Variants in TSPAN32 observed in about 807,000 individuals in gnomAD.
TSPAN32 encodes the protein tetraspanin 32.
A neutral mutation model predicts 42.7 loss-of-function variants in TSPAN32; 47 were observed. That is an observed-to-expected ratio of 1.10 (90% CI 0.87 to 1.40). The LOEUF (loss-of-function observed/expected upper bound fraction) is 1.40. Among genes scored for constraint, TSPAN32 ranks in the 40% most tolerant of loss-of-function variants. The pLI is 0.00. For synonymous variants in TSPAN32, 175 were observed against 175.9 expected (o/e 0.99, Z 0.04); for missense variants, 469 against 424.1 (o/e 1.11, Z -0.93).
At position 2,317,761 on chromosome 11, in the gene TSPAN32, T is replaced by G. The variant is rs1056928952; in HGVS notation, c.902-102T>G. ...TGCAAGACACTGGTGGCCCACGGCCTGGAGGGCTCCACCCAGACACAAGCT... is the reference window on the plus strand; with the variant it reads ...TGCAAGACACTGGTGGCCCACGGCCGGGAGGGCTCCACCCAGACACAAGCT... On this transcript the variant is annotated intron_variant, in intron 9 of 9. Transcript: ENST00000182290. The surrounding 1 kb of genome is among the most constrained non-coding windows in gnomAD (Gnocchi z 6.2). 1 of 1,544,446 alleles carries G rather than the reference T, an allele frequency of 6.5e-7. No homozygotes were observed. Among genetic ancestry groups the G allele is most frequent in the African/African-American group, 1.4e-5 (1 of 72,770 alleles).
In TSPAN32 at chr11:2,302,198, A is replaced by C; in HGVS notation, c.49A>C (p.Thr17Pro). Residue 17 changes from threonine to proline, a missense_variant, in exon 1 of 10, where the codon ACC becomes CCC. By Grantham distance (38) the Thr-to-Pro change is conservative (BLOSUM62 -1). Transcript: ENST00000182290. ...GGTTGCCAAATGCCAGATGCTGGTC[A>C]CCTGCTTCTTTATCTTGGTAACAGG... The part of the protein sequence containing the change: ...VRVAKCQMLV[T>P]CFFILLLGLS... 3 of 1,387,354 alleles carry C rather than the reference A, an allele frequency of 2.2e-6. No individual in the cohort carries two copies. The highest frequency in any genetic ancestry group is 2.8e-6 in the Non-Finnish European group (3 of 1,065,744). 85.9% of individuals were successfully genotyped at this position (1,387,354 alleles called of 1,614,324 possible).
chr11:2,302,755 G>C (rs1847830666), intron 1 of TSPAN32, 89 bp from the exon 2 acceptor site: 2 of 1,053,324 alleles, frequency 1.9e-6, no homozygotes, highest in South Asian at 2.8e-5. Context: ...CGGGAAGCTG[G>C]AGAGAGCCCC....
Position 2,317,964 on chromosome 11 carries a change from C to T in TSPAN32, c.*40C>T, listed in dbSNP as rs541210117. 6.5e-5 allele frequency: 53 copies of T among 811,630 alleles called. No homozygotes were observed. Among genetic ancestry groups the T allele is most frequent in the South Asian group, 1.8e-4 (13 of 74,026 alleles). The allele number at this position is 811,630 out of a possible 1,614,324, so 50.3% of individuals were successfully genotyped here. Reference sequence around the variant, plus strand: ...GGGCTGCACTCTCACCTGGAGGCTCCGGGGAAGCATCTGCCTCCAGGACCA... The same window carrying T: ...GGGCTGCACTCTCACCTGGAGGCTCTGGGGAAGCATCTGCCTCCAGGACCA... On this transcript the variant is annotated 3_prime_UTR_variant, in exon 10 of 10. Coordinates refer to ENST00000182290, the MANE Select transcript of TSPAN32 (RefSeq NM_139022.3). The surrounding 1 kb of genome is among the most constrained non-coding windows in gnomAD (Gnocchi z 6.2).
At chr11:2,312,512 T>C (rs1848520688) in intron 4 of TSPAN32, among the ~76,000 whole-genome samples, 1 of 152,154 alleles carries the variant, frequency 6.6e-6, no homozygotes, top group Non-Finnish European at 1.5e-5. Flanking sequence ...ATGGGAGGGA[T>C]GCATTAGGGT....
chr11:2,308,174 A>T (rs904662303), intron 3 of TSPAN32, among the ~76,000 whole-genome samples: 2 of 152,050 alleles, frequency 1.3e-5, no homozygotes, highest in Non-Finnish European at 2.9e-5. Flanking sequence ...AGAACAAGGG[A>T]TGAATTCCCA....
chr11:2,305,374 C>G (rs1047598339), intron 3 of TSPAN32, among the ~76,000 whole-genome samples: 1 of 149,386 alleles, frequency 6.7e-6, no homozygotes, highest in African/African-American at 2.5e-5. Flanking sequence ...TAGTCTGCCC[C>G]CCCCCCCAGA....
intron 2 of TSPAN32, chr11:2,303,627 G>T: frequency 1.2e-5 from 2 of 171,238 alleles, no homozygotes; most frequent in Non-Finnish European, 2.5e-5. Flanking sequence ...CAGGGATACT[G>T]CCTTAGAACC....
In TSPAN32 at chr11:2,303,979, G is replaced by T. The variant is rs897955157; in HGVS notation, c.182-128G>T. ...TCAGGGCCGTCTGATGGAGAGACAG[G>T]CCCATTCAGAGCCCCCCAGGAGTCC... On this transcript the variant is annotated intron_variant, in intron 2 of 9. Coordinates refer to ENST00000182290, the MANE Select transcript of TSPAN32 (RefSeq NM_139022.3). 1.8e-4 allele frequency: 121 copies of T among 672,764 alleles called. 1 individual carries two copies. Among genetic ancestry groups the T allele is most frequent in the Non-Finnish European group, 2.9e-4 (111 of 383,234 alleles). The allele number at this position is 672,764 out of a possible 1,614,324, so 41.7% of individuals were successfully genotyped here. A position where few individuals can be genotyped will look rare whatever the true frequency, so the allele number is the denominator to read the frequency against.
At position 2,312,176 on chromosome 11, in the gene TSPAN32, C is replaced by T. The variant is rs558253005; in HGVS notation, c.355-1478C>T. Among the ~76,000 whole-genome samples, 7 of 152,354 alleles carry T rather than the reference C, an allele frequency of 4.6e-5. No homozygotes were observed. In the East Asian group the frequency reaches 1.4e-3, roughly 29 times the overall value. On this transcript the variant is annotated intron_variant, in intron 4 of 9. Coordinates refer to ENST00000182290, the MANE Select transcript of TSPAN32 (RefSeq NM_139022.3). ...TCACAGCCTCAGAGGCACCTTTGTCCTCCTTGGGCCATGGCAGGCGCCTGA... is the reference window on the plus strand; with the variant it reads ...TCACAGCCTCAGAGGCACCTTTGTCTTCCTTGGGCCATGGCAGGCGCCTGA...
chr11:2,316,734 C>T lies in TSPAN32; in HGVS notation c.719+67C>T. The stretch of plus-strand genomic sequence containing the variant: ...TCCAGCTCTGCTCGAGAGGCATCTG[C>T]TCTGCCAGCTGCTAGGAGGGAGCCC... On this transcript the variant is annotated intron_variant, in intron 8 of 9. Coordinates refer to ENST00000182290, the MANE Select transcript of TSPAN32 (RefSeq NM_139022.3). The T allele has an allele frequency of 4.8e-6, 7 of 1,456,004 alleles. No homozygotes were observed. The South Asian group carries it at 8.4e-5, about 17-fold the overall frequency. 90.2% of individuals were successfully genotyped at this position (1,456,004 alleles called of 1,614,324 possible). A position where few individuals can be genotyped will look rare whatever the true frequency, so the allele number is the denominator to read the frequency against.
At chr11:2,303,343 C>T (rs1847877358) in intron 2 of TSPAN32, 2 of 190,086 alleles carry the variant, frequency 1.1e-5, no homozygotes, top group Non-Finnish European at 2.3e-5. Flanking sequence ...GGCTGATGTT[C>T]CACTCAGGAC....
chr11:2,305,318 C>T (rs1172717478), intron 3 of TSPAN32, among the ~76,000 whole-genome samples: 1 of 151,330 alleles, frequency 6.6e-6, no homozygotes, highest in Non-Finnish European at 1.5e-5. Flanking sequence ...TGCTATCTGG[C>T]TTCAGGGCCA....
Position 2,317,244 on chromosome 11 carries a change from C to T in TSPAN32, c.720-100C>T. The T allele has an allele frequency of 1.1e-6, 1 of 934,434 alleles. No individual in the cohort carries two copies. The highest frequency in any genetic ancestry group is 2.6e-5 in the East Asian group (1 of 37,920). 57.9% of individuals were successfully genotyped at this position (934,434 alleles called of 1,614,324 possible). ...GCTCCATAATCCCCTCCAGAACATT[C>T]TGCAACAGCCCCATGATCCCCTCTA... On this transcript the variant is annotated intron_variant, in intron 8 of 9. Transcript: ENST00000182290. The surrounding 1 kb of genome is among the most constrained non-coding windows in gnomAD (Gnocchi z 6.2).
rs754391237 is a variant in TSPAN32 at position 2,317,894 on chromosome 11, T to C, written c.933T>C (p.Ser311=). 7 of 1,365,670 alleles carry C rather than the reference T, an allele frequency of 5.1e-6. No individual in the cohort carries two copies. The highest frequency in any genetic ancestry group is 7.3e-6 in the Non-Finnish European group (7 of 953,574). The allele number at this position is 1,365,670 out of a possible 1,614,324, so 84.6% of individuals were successfully genotyped here. A position where few individuals can be genotyped will look rare whatever the true frequency, so the allele number is the denominator to read the frequency against. Residue 311 remains serine, a synonymous_variant, in exon 10 of 10, where the codon AGT becomes AGC. Coordinates refer to ENST00000182290, the MANE Select transcript of TSPAN32 (RefSeq NM_139022.3). The surrounding 1 kb of genome is among the most constrained non-coding windows in gnomAD (Gnocchi z 6.2). ...AGGGCAGAAGTCGCGGTGGGCTCAG[T>C]GGGTGCCCTGAGCGGGGTCTCTCAG... The part of the protein sequence containing the change: ...ALQGRSRGGL[S]GCPERGLSD
chr11:2,315,754 C>T, intron 6 of TSPAN32: 1 of 1,247,546 alleles, frequency 8.0e-7, no homozygotes, highest in Non-Finnish European at 1.0e-6. Context: ...CCTGGGGTGG[C>T]ACTGGAAGCC....
chr11:2,315,502 C>A (rs1263188717), intron 6 of TSPAN32: 1 of 1,157,986 alleles, frequency 8.6e-7, no homozygotes, highest in African/African-American at 1.6e-5. Flanking sequence ...GATGGCAGGG[C>A]CATGGGCCCG....
In TSPAN32 at chr11:2,316,141, C is replaced by A. The variant is rs370856783; in HGVS notation, c.544-88C>A. The A allele has an allele frequency of 1.3e-4, 194 of 1,515,694 alleles. No individual in the cohort carries two copies. The African/African-American group carries it at 2.0e-3, about 15-fold the overall frequency. The allele number at this position is 1,515,694 out of a possible 1,614,324, so 93.9% of individuals were successfully genotyped here. A position where few individuals can be genotyped will look rare whatever the true frequency, so the allele number is the denominator to read the frequency against. ...CTGCCCTGGCATTGGCCTAGGTGGG[C>A]GCTGCAGCTCCATGGCCCCACAGAG... On this transcript the variant is annotated intron_variant, in intron 6 of 9. Coordinates refer to ENST00000182290, the MANE Select transcript of TSPAN32 (RefSeq NM_139022.3).
At chr11:2,316,100 C>T (rs774216347) in intron 6 of TSPAN32, 129 bp from the exon 7 acceptor site, 72 of 1,527,166 alleles carry the variant, frequency 4.7e-5, no homozygotes, top group Middle Eastern at 3.5e-4. Flanking sequence ...AGGAATGTGC[C>T]GCACCCGCCG....
At chr11:2,314,376 G>T (rs990456638) in intron 5 of TSPAN32, 109 bp from the exon 6 acceptor site, 15 of 877,650 alleles carry the variant, frequency 1.7e-5, no homozygotes, top group Non-Finnish European at 2.6e-5. Context: ...GCCCTGGCCT[G>T]CAGGGAACCC....
Sources: allele counts gnomAD v4.1 joint callset (sites outside exome capture counted in the v4.1 genomes callset), GRCh38; gene constraint gnomAD v4.1.1; non-coding constraint Gnocchi (gnomAD v3.1); transcripts MANE v1.5; gene names NCBI Gene and HGNC (gene_info 2026-07-23, HGNC 2026-07-21).